PCNT: variants seen among roughly 807,000 people sequenced by gnomAD.
PCNT encodes pericentrin.
A neutral mutation model predicts 380.4 loss-of-function variants in PCNT; 319 were observed. The ratio of observed to expected loss-of-function variants is 0.84; its 90% CI spans 0.77 to 0.92. The LOEUF is 0.92. PCNT is among the 40% of genes least tolerant of loss of function. PCNT has a pLI of 0.00. For missense variants in PCNT, 4,400 were observed against 4,255.3 expected (o/e 1.03, Z -0.95); for synonymous variants, 1,845 against 1,735.2 (o/e 1.06, Z -1.57).
intron 13 of PCNT, among the ~76,000 whole-genome samples, chr21:46,360,458 C>T (rs868700767): frequency 6.4e-5 from 9 of 140,508 alleles, no homozygotes; most frequent in South Asian, 2.3e-4. Context: ...CTCCTGACCT[C>T]GTGATCCGCC....
At position 46,430,491 on chromosome 21, in the gene PCNT, C is replaced by T. The variant is rs2839257; in HGVS notation, c.7914-16C>T. ...TGGCCCACGTGGTCAGATTGTTCTG[C>T]GATGTCTCCACGCAGATCCATGCTG... is the stretch of plus-strand genomic sequence containing the variant. On this transcript the variant is annotated splice_polypyrimidine_tract_variant and intron_variant, in intron 36 of 46. Transcript: ENST00000359568. 0.63 allele frequency: 975,374 copies of T among 1,549,178 alleles called. 309,622 individuals are homozygous for T. The highest frequency in any genetic ancestry group is 0.8 in the African/African-American group (58,104 of 73,058).
chr21:46,376,620 G>T (rs2085340097), intron 15 of PCNT, among the ~76,000 whole-genome samples: 2 of 152,352 alleles, frequency 1.3e-5, no homozygotes, highest in African/African-American at 4.8e-5. Flanking sequence ...GGCATTTGGG[G>T]TTTTGTTCTT....
intron 16 of PCNT, among the ~76,000 whole-genome samples, chr21:46,383,484 T>C (rs2839238): frequency 3.5e-4 from 47 of 133,690 alleles, no homozygotes; most frequent in Middle Eastern, 5.0e-3. Flanking sequence ...CAGTGTTGTA[T>C]ATTCAGTGGC....
chr21:46,427,508 C>T, intron 33 of PCNT, 114 bp from the exon 34 acceptor site: 2 of 1,183,540 alleles, frequency 1.7e-6, no homozygotes, highest in Non-Finnish European at 1.2e-6. Flanking sequence ...GCCTCATTTA[C>T]CCTGAATCAC....
chr21:46,338,548 C>T (rs758487911), intron 3 of PCNT, among the ~76,000 whole-genome samples: 3 of 151,746 alleles, frequency 2.0e-5, no homozygotes, highest in African/African-American at 7.3e-5. Context: ...TATCCACTCA[C>T]CTGGTGAGGG....
chr21:46,388,978 C>G lies in PCNT; in HGVS notation c.3607+94C>G. 6.7e-7 allele frequency: 1 copy of G among 1,501,910 alleles called. No individual in the cohort carries two copies. The highest frequency in any genetic ancestry group is 9.0e-7 in the Non-Finnish European group (1 of 1,116,050). 93.0% of individuals were successfully genotyped at this position (1,501,910 alleles called of 1,614,324 possible). A position where few individuals can be genotyped will look rare whatever the true frequency, so the allele number is the denominator to read the frequency against. On this transcript the variant is annotated intron_variant, in intron 18 of 46. Coordinates refer to ENST00000359568, the MANE Select transcript of PCNT (RefSeq NM_006031.6). This position sits in a 1 kb window ranked among gnomAD's most constrained non-coding sequence, Gnocchi z 4.2. ...GAGGAGCCTCCGTATTGGGCGATGC[C>G]CTTGGGAGCACTGCCGTCCTGGTTT...
In PCNT at chr21:46,445,571, CT is replaced by C. The variant is rs1335792184; in HGVS notation, c.*245del. 1.1e-5 allele frequency: 6 copies of C among 560,756 alleles called. No individual in the cohort carries two copies. Among genetic ancestry groups the C allele is most frequent in the Middle Eastern group, 4.8e-4 (1 of 2,084 alleles). The allele number at this position is 560,756 out of a possible 1,614,324, so 34.7% of individuals were successfully genotyped here. ...ACCTTCGTGAGGTGACGGGCACTCA[CT>C]CCCATGAGCCCTGGCTGTGTGCTGT... On this transcript the variant is annotated 3_prime_UTR_variant, in exon 47 of 47. Transcript: ENST00000359568.
At position 46,418,273 on chromosome 21, in the gene PCNT, G is replaced by C; in HGVS notation, c.6991G>C (p.Gly2331Arg). The change falls in exon 31 of 47, where the codon GGA (glycine) becomes CGA (arginine). Residue 2331 changes from glycine to arginine, a missense_variant. Transcript: ENST00000359568. Reference sequence around the variant, plus strand: ...AGAAACATTAAGTTCACCTCCTCCTGGATTAGAAGGAAAAGCTGATAGAAG... The same window carrying C: ...AGAAACATTAAGTTCACCTCCTCCTCGATTAGAAGGAAAAGCTGATAGAAG... ...SQETLSSPPP[G>R]LEGKADRSEK... 6.2e-7 allele frequency: 1 copy of C among 1,605,376 alleles called. No individual in the cohort carries two copies.
At position 46,342,090 on chromosome 21, in the gene PCNT, C is replaced by T. The variant is rs184849434; in HGVS notation, c.640-4038C>T. ...CTGAGGAGCTGGGATTATAGGCATG[C>T]ACCGCCATGCCTGACTAATTTTTTA... On this transcript the variant is annotated intron_variant, in intron 3 of 46. Transcript: ENST00000359568. 1.6e-3 allele frequency among the ~76,000 whole-genome samples: 236 copies of T among 152,032 alleles called. 3 individuals carry two copies. Among genetic ancestry groups the T allele is most frequent in the Non-Finnish European group, 1.6e-4 (11 of 67,956 alleles).
rs996243385 is a variant in PCNT, at chr21:46,443,798, A to G, written c.9701-12A>G. The G allele has an allele frequency of 4.3e-6, 7 of 1,613,628 alleles. No homozygotes were observed. The African/African-American group carries it at 9.3e-5, about 22-fold the overall frequency. On this transcript the variant is annotated splice_polypyrimidine_tract_variant and intron_variant, in intron 44 of 46. Transcript: ENST00000359568. ...TTCCTAATCCCTTGGTTGTTAAATA[A>G]TTCTGGGGAAGGGCCCCGAGCACGA...
rs2147776893 is a variant in PCNT at position 46,416,723 on chromosome 21, C to G, written c.6805C>G (p.Pro2269Ala). 1.3e-6 allele frequency: 2 copies of G among 1,584,504 alleles called. No homozygotes were observed. The highest frequency in any genetic ancestry group is 1.7e-4 in the Middle Eastern group (1 of 5,780). The part of the protein sequence containing the change: ...SLGDRADTSL[P>A]QTQGPGLLCS... ...GGGGGACAGGGCGGACACCTCGCTG[C>G]CACAGACCCAGGGGCCGGGGCTGCT... Residue 2269 changes from proline to alanine, a missense_variant, in exon 30 of 47, where the codon CCA becomes GCA. Coordinates refer to ENST00000359568, the MANE Select transcript of PCNT (RefSeq NM_006031.6).
At chr21:46,333,935 G>T (rs948936004) in intron 2 of PCNT, among the ~76,000 whole-genome samples, 2 of 151,866 alleles carry the variant, frequency 1.3e-5, no homozygotes, top group Non-Finnish European at 2.9e-5. Flanking sequence ...GGCCAGGTGT[G>T]GTGGCTCATG....
At position 46,388,846 on chromosome 21, in the gene PCNT, G is replaced by T. The variant is rs757643083; in HGVS notation, c.3569G>T (p.Cys1190Phe). Residue 1190 changes from cysteine to phenylalanine, a missense_variant, in exon 18 of 47, where the codon TGC becomes TTC. Transcript: ENST00000359568. This position sits in a 1 kb window ranked among gnomAD's most constrained non-coding sequence, Gnocchi z 4.2. ...CGGATCGGGGAGCGCGTGGGGCTCT[G>T]CCTGGATGACGCGGGCGCAGGCCTG... ...RSRIGERVGL[C>F]LDDAGAGLAL... The T allele has an allele frequency of 1.9e-6, 3 of 1,611,144 alleles. No individual in the cohort carries two copies. Among genetic ancestry groups the T allele is most frequent in the South Asian group, 1.1e-5 (1 of 91,024 alleles).
At chr21:46,394,519 C>T (rs1017089350) in intron 21 of PCNT, 4 of 985,000 alleles carry the variant, frequency 4.1e-6, no homozygotes, top group Admixed American at 6.1e-5. Flanking sequence ...GCTGTCACTG[C>T]AGCACACAAG....
At chr21:46,390,579 G>T in intron 19 of PCNT, 91 bp from the exon 20 acceptor site, 1 of 1,416,230 alleles carries the variant, frequency 7.1e-7, no homozygotes, top group South Asian at 1.2e-5. Flanking sequence ...GGCCTGAAGG[G>T]TCTGGGGGTA....
intron 28 of PCNT, 75 bp downstream of exon 28, chr21:46,412,142 C>T: frequency 6.6e-7 from 1 of 1,511,500 alleles, no homozygotes; most frequent in Admixed American, 1.9e-5. Flanking sequence ...AATGACTTCT[C>T]TCTGCGCTGG....
intron 32 of PCNT, among the ~76,000 whole-genome samples, chr21:46,422,402 G>C (rs934888262): frequency 6.9e-6 from 1 of 144,798 alleles, no homozygotes; most frequent in South Asian, 2.2e-4. Flanking sequence ...GAGTCGCAGA[G>C]CCGGCCTGTG....
intron 14 of PCNT, 72 bp downstream of exon 14, chr21:46,364,006 T>C (rs962519176): frequency 2.1e-6 from 3 of 1,427,676 alleles, no homozygotes; most frequent in Non-Finnish European, 2.9e-6. Flanking sequence ...GTGGGCAGGC[T>C]CCTGGGAGGA....
intron 40 of PCNT, among the ~76,000 whole-genome samples, chr21:46,437,404 G>T (rs918455428): frequency 2.0e-5 from 3 of 152,178 alleles, no homozygotes; most frequent in Non-Finnish European, 4.4e-5. Context: ...CCCCTCACAT[G>T]CTGCTCGCTG....
Sources: gnomAD v4.1 joint callset for allele counts (sites outside exome capture counted in the v4.1 genomes callset) on GRCh38, gnomAD v4.1.1 for gene constraint, Gnocchi (gnomAD v3.1) non-coding constraint, MANE v1.5 for transcripts, NCBI Gene and HGNC (gene_info 2026-07-23, HGNC 2026-07-21) for gene names.